L3MBTL4: variants seen among roughly 807,000 people sequenced by gnomAD.
L3MBTL4 encodes the protein lethal(3)malignant brain tumor-like protein 4.
A neutral mutation model predicts 84.5 loss-of-function variants in L3MBTL4; 70 were observed. The ratio of observed to expected loss-of-function variants is 0.83; its 90% CI spans 0.68 to 1.01. The LOEUF is 1.01. L3MBTL4 is among the 50% of genes least tolerant of loss of function. The pLI is 0.00. For missense variants in L3MBTL4, 715 were observed against 754.8 expected (o/e 0.95, Z 0.62); for synonymous variants, 274 against 259.8 (o/e 1.05, Z -0.52).
In L3MBTL4 at chr18:5,969,413, C is replaced by T. The variant is rs373461607; in HGVS notation, c.1594G>A (p.Ala532Thr). Residue 532 changes from alanine (A) to threonine (T), a missense_variant, in exon 17 of 19, where the codon GCA becomes ACA. By Grantham distance (58) the Ala-to-Thr change is moderately conservative. Transcript: ENST00000317931. The part of the protein sequence containing the change: ...GVADIRASQV[A>T]RWTVDEVAEF... ...CTCACCTCATCCACAGTCCAACGTG[C>T]CACTTGGCTGGCCCGGATGTCAGCC... The T allele has an allele frequency of 6.2e-7, 1 of 1,613,870 alleles. No individual in the cohort carries two copies. Among genetic ancestry groups the T allele is most frequent in the East Asian group, 2.2e-5 (1 of 44,876 alleles).
At chr18:6,197,461 G>A (rs141884641) in intron 12 of L3MBTL4, among the ~76,000 whole-genome samples, 3 of 152,182 alleles carry the variant, frequency 2.0e-5, no homozygotes, top group African/African-American at 7.2e-5. Flanking sequence ...CTTTATGGCT[G>A]CATAGTATTC....
chr18:6,379,163 A>C (rs1217352479), intron 1 of L3MBTL4, among the ~76,000 whole-genome samples: 1 of 152,092 alleles, frequency 6.6e-6, no homozygotes, highest in South Asian at 2.1e-4. Flanking sequence ...TTGCACATTG[A>C]TTTTTTATCC....
intron 16 of L3MBTL4, among the ~76,000 whole-genome samples, chr18:6,057,178 G>A (rs1288685861): frequency 2.6e-5 from 4 of 151,964 alleles, no homozygotes; most frequent in Non-Finnish European, 5.9e-5. Flanking sequence ...TTACAGGCAT[G>A]CCACCACGCC....
intron 12 of L3MBTL4, among the ~76,000 whole-genome samples, chr18:6,200,793 G>A (rs1225292988): frequency 6.6e-6 from 1 of 152,188 alleles, no homozygotes; most frequent in Non-Finnish European, 1.5e-5. Flanking sequence ...TCATAATAGA[G>A]AAACACCAAT....
Position 6,093,499 on chromosome 18 carries a change from T to A in L3MBTL4, c.1229A>T (p.Asn410Ile). The change falls in exon 15 of 19, where the codon AAC becomes ATC. Residue 410 changes from asparagine to isoleucine, a missense_variant. Transcript: ENST00000317931. ...GTGAAGTGTTGCCTCCTTTTTCAAG[T>A]TCATGTCTGAATACGGGCAGCCAAA... ...SAFGCPYSDM[N>I]LKKEATLHDR... is the part of the protein sequence containing the mutation. 1.2e-6 allele frequency: 2 copies of A among 1,613,708 alleles called. No homozygotes were observed. Among genetic ancestry groups the A allele is most frequent in the South Asian group, 1.1e-5 (1 of 90,918 alleles).
At chr18:6,161,648 G>C (rs2043341516) in intron 13 of L3MBTL4, among the ~76,000 whole-genome samples, 1 of 152,110 alleles carries the variant, frequency 6.6e-6, no homozygotes, top group South Asian at 2.1e-4. Flanking sequence ...TTCTAGTGTT[G>C]CCTACACTTG....
chr18:6,102,320 T>C (rs1453383363), intron 14 of L3MBTL4, among the ~76,000 whole-genome samples: 1 of 152,192 alleles, frequency 6.6e-6, no homozygotes, highest in Non-Finnish European at 1.5e-5. Flanking sequence ...AGCTTTCCCA[T>C]ATCTCAATCA....
At chr18:6,035,253 G>A (rs1364438672) in intron 16 of L3MBTL4, among the ~76,000 whole-genome samples, 6 of 151,992 alleles carry the variant, frequency 3.9e-5, no homozygotes, top group Admixed American at 6.5e-5. Context: ...TAATGCCTAG[G>A]TTTTCTTCTA....
At chr18:6,057,899 G>T (rs1029919451) in intron 16 of L3MBTL4, among the ~76,000 whole-genome samples, 1 of 152,140 alleles carries the variant, frequency 6.6e-6, no homozygotes, top group Non-Finnish European at 1.5e-5. Flanking sequence ...TTTTCATATG[G>T]TATTGAAATA....
At chr18:6,277,161 T>G (rs1751318779) in intron 4 of L3MBTL4, among the ~76,000 whole-genome samples, 1 of 138,158 alleles carries the variant, frequency 7.2e-6, no homozygotes. Flanking sequence ...GGGGGAGGGA[T>G]AGTATTGGGA....
intron 17 of L3MBTL4, among the ~76,000 whole-genome samples, chr18:5,969,151 T>C (rs1415932066): frequency 6.6e-6 from 1 of 152,154 alleles, no homozygotes; most frequent in Non-Finnish European, 1.5e-5. Flanking sequence ...CGGGGGGCAC[T>C]GGAATAAGGC....
At chr18:6,098,649 C>G (rs533225681) in intron 14 of L3MBTL4, among the ~76,000 whole-genome samples, 3 of 152,274 alleles carry the variant, frequency 2.0e-5, no homozygotes, top group Non-Finnish European at 2.9e-5. Flanking sequence ...AACGTGGCTT[C>G]CTATAGCCCA....
intron 1 of L3MBTL4, among the ~76,000 whole-genome samples, chr18:6,345,215 CAAAAAAAAAAAAAAAA>C (rs35502624): frequency 1.3e-3 from 50 of 38,494 alleles, no homozygotes; most frequent in Admixed American, 6.9e-3. Flanking sequence ...TACTAAAATA[CAAAAAAAAAAAAAAAA>C]AAAAAGAAAA....
chr18:6,119,774 C>T (rs1008757594), intron 14 of L3MBTL4, among the ~76,000 whole-genome samples: 3 of 152,120 alleles, frequency 2.0e-5, no homozygotes, highest in African/African-American at 7.2e-5. Flanking sequence ...TGTCTCTCTG[C>T]AAGACCTGTT....
chr18:6,226,143 C>T (rs1403281613), intron 10 of L3MBTL4, among the ~76,000 whole-genome samples: 1 of 145,832 alleles, frequency 6.9e-6, no homozygotes, highest in African/African-American at 2.8e-5. Flanking sequence ...TGTGGTGGCC[C>T]ATGCTGTAAT....
At chr18:6,253,605 T>G (rs578123462) in intron 5 of L3MBTL4, among the ~76,000 whole-genome samples, 1 of 152,320 alleles carries the variant, frequency 6.6e-6, no homozygotes, top group Admixed American at 6.5e-5. Flanking sequence ...ATAATGCTAA[T>G]TTTCACCTTG....
intron 16 of L3MBTL4, chr18:6,030,530 A>AGGCTGGTCGC: frequency 1.1e-6 from 1 of 909,602 alleles, no homozygotes; most frequent in Non-Finnish European, 1.3e-6. Context: ...AAGGAGTCTC[A>AGGCTGGTCGC]CTCTGTCGCC....
chr18:5,973,038 C>T (rs1076005), intron 16 of L3MBTL4, among the ~76,000 whole-genome samples: 70,783 of 151,886 alleles, frequency 0.47, 17,788 homozygotes, highest in Non-Finnish European at 0.56. Flanking sequence ...TGGTACATAA[C>T]GTGTTCAATA....
intron 4 of L3MBTL4, among the ~76,000 whole-genome samples, chr18:6,296,618 T>C (rs2050119250): frequency 6.6e-6 from 1 of 152,152 alleles, no homozygotes; most frequent in African/African-American, 2.4e-5. Flanking sequence ...GCATGTTCTA[T>C]ACAGCTGCAG....
Sources: allele counts gnomAD v4.1 joint callset (sites outside exome capture counted in the v4.1 genomes callset), GRCh38; gene constraint gnomAD v4.1.1; transcripts MANE v1.5; gene names NCBI Gene and HGNC (gene_info 2026-07-23, HGNC 2026-07-21).